The following BICD1 variants were observed in gnomAD, a reference collection of about 807,000 sequenced individuals.
BICD1 encodes BICD cargo adaptor 1, also known as protein bicaudal D homolog 1.
BICD1 carries 35 observed loss-of-function variants against 92.5 expected under a neutral mutation model. The ratio of observed to expected loss-of-function variants is 0.38; its 90% CI spans 0.29 to 0.50. The LOEUF is 0.50. BICD1 is among the 20% of genes least tolerant of loss of function. The pLI is 0.93. For missense variants in BICD1, 950 were observed against 1,189.8 expected (o/e 0.80, Z 2.97); for synonymous variants, 429 against 465.1 (o/e 0.92, Z 1.00).
intron 1 of BICD1, among the ~76,000 whole-genome samples, chr12:32,116,727 A>C (rs1243950362): frequency 6.6e-6 from 1 of 150,494 alleles, no homozygotes; most frequent in Non-Finnish European, 1.5e-5. Flanking sequence ...CTGGAGGCTC[A>C]GGTGGCCCAA....
At chr12:32,339,778 T>C (rs1359111130) in intron 8 of BICD1, 3 of 985,302 alleles carry the variant, frequency 3.0e-6, no homozygotes, top group Non-Finnish European at 3.6e-6. Context: ...CAGCTGTTAT[T>C]TGACTATTGC....
rs11051909 is a variant in BICD1, at chr12:32,287,833, G to A, written c.427-6161G>A. On this transcript the variant is annotated intron_variant, in intron 2 of 9. Coordinates refer to ENST00000652176, the MANE Select transcript of BICD1 (RefSeq NM_001714.4). The stretch of plus-strand genomic sequence containing the variant: ...ATTGCAGGCATGAGCCACTGTGCCC[G>A]GCCTCGGCTGGGTGGTTCTTAAGGA... Among the ~76,000 whole-genome samples, 72 of 152,234 alleles carry A rather than the reference G, an allele frequency of 4.7e-4. 1 individual carries two copies. Among genetic ancestry groups the A allele is most frequent in the African/African-American group, 1.4e-3 (60 of 41,550 alleles).
chr12:32,229,560 T>C (rs1046978564), intron 2 of BICD1, among the ~76,000 whole-genome samples: 2 of 152,190 alleles, frequency 1.3e-5, no homozygotes, highest in South Asian at 2.1e-4. Flanking sequence ...AGGACATATA[T>C]TGACCATTGG....
At chr12:32,128,593 A>T (rs1255002627) in intron 1 of BICD1, among the ~76,000 whole-genome samples, 1 of 122,764 alleles carries the variant, frequency 8.1e-6, no homozygotes, top group Non-Finnish European at 1.8e-5. Flanking sequence ...TATGAAAAAT[A>T]TAATTGTTCC....
intron 2 of BICD1, among the ~76,000 whole-genome samples, chr12:32,252,556 G>T (rs1394639561): frequency 6.6e-6 from 1 of 152,092 alleles, no homozygotes; most frequent in African/African-American, 2.4e-5. Context: ...ATTTAGTTCA[G>T]TCAATTATCA....
intron 1 of BICD1, among the ~76,000 whole-genome samples, chr12:32,157,581 A>G (rs1943477853): frequency 6.6e-6 from 1 of 152,148 alleles, no homozygotes; most frequent in Non-Finnish European, 1.5e-5. Context: ...TTCTTCTGGA[A>G]GCTACCAAGA....
intron 1 of BICD1, among the ~76,000 whole-genome samples, chr12:32,213,966 T>C (rs745333339): frequency 3.9e-5 from 6 of 152,274 alleles, no homozygotes; most frequent in Non-Finnish European, 8.8e-5. Context: ...AATGCTGATA[T>C]ATTTTATTTC....
At chr12:32,124,550 G>A (rs1942261844) in intron 1 of BICD1, among the ~76,000 whole-genome samples, 1 of 152,174 alleles carries the variant, frequency 6.6e-6, no homozygotes, top group Non-Finnish European at 1.5e-5. Context: ...TGATGGATGT[G>A]ATGGTGACAA....
At chr12:32,280,121 T>C (rs1369333234) in intron 2 of BICD1, among the ~76,000 whole-genome samples, 1 of 115,600 alleles carries the variant, frequency 8.7e-6, no homozygotes, top group Non-Finnish European at 2.0e-5. Flanking sequence ...TAAATAAAAA[T>C]AAAGTGAAAA....
intron 1 of BICD1, among the ~76,000 whole-genome samples, chr12:32,177,085 C>T (rs766128161): frequency 4.6e-5 from 7 of 151,732 alleles, no homozygotes; most frequent in East Asian, 1.9e-4. Context: ...GAGGCTGAGG[C>T]GGGCGCATGC....
chr12:32,265,657 G>C (rs1946974332), intron 2 of BICD1, among the ~76,000 whole-genome samples: 2 of 150,582 alleles, frequency 1.3e-5, no homozygotes, highest in South Asian at 2.1e-4. Context: ...AGAGTTCGCG[G>C]TTACAGTGAG....
intron 1 of BICD1, among the ~76,000 whole-genome samples, chr12:32,176,621 G>A (rs1163970217): frequency 1.3e-5 from 2 of 152,160 alleles, no homozygotes; most frequent in Non-Finnish European, 2.9e-5. Flanking sequence ...TATCATTGTA[G>A]ATTAGTGTTT....
intron 2 of BICD1, among the ~76,000 whole-genome samples, chr12:32,252,795 G>A (rs1002353954): frequency 6.6e-6 from 1 of 152,158 alleles, no homozygotes; most frequent in Non-Finnish European, 1.5e-5. Flanking sequence ...GTCATGATAT[G>A]TCTCCTATAG....
intron 2 of BICD1, among the ~76,000 whole-genome samples, chr12:32,226,414 G>A (rs577136182): frequency 1.3e-4 from 20 of 152,314 alleles, no homozygotes; most frequent in South Asian, 8.3e-4. Flanking sequence ...GATTACAGGC[G>A]TTAGCCATCA....
chr12:32,267,502 G>A (rs1404794715), intron 2 of BICD1, among the ~76,000 whole-genome samples: 2 of 152,136 alleles, frequency 1.3e-5, no homozygotes, highest in African/African-American at 4.8e-5. Flanking sequence ...GTATATGTGT[G>A]AGAAATATCT....
At chr12:32,139,548 G>A (rs1456333885) in intron 1 of BICD1, among the ~76,000 whole-genome samples, 2 of 152,148 alleles carry the variant, frequency 1.3e-5, no homozygotes, top group Non-Finnish European at 2.9e-5. Context: ...GCATACGGTG[G>A]GCACAAAGGG....
intron 1 of BICD1, among the ~76,000 whole-genome samples, chr12:32,185,121 A>G (rs1469484227): frequency 6.6e-6 from 1 of 152,188 alleles, no homozygotes; most frequent in Non-Finnish European, 1.5e-5. Context: ...TCTTCAAGCC[A>G]CTGGTAGAGC....
At chr12:32,240,009 A>C (rs2136079878) in intron 2 of BICD1, among the ~76,000 whole-genome samples, 1 of 152,320 alleles carries the variant, frequency 6.6e-6, no homozygotes, top group Middle Eastern at 3.4e-3. Flanking sequence ...ATGCACTAGA[A>C]AATAAAAATT....
At chr12:32,334,804 G>A (rs530306100) in intron 6 of BICD1, 137 bp downstream of exon 6, 4 of 953,838 alleles carry the variant, frequency 4.2e-6, no homozygotes, top group African/African-American at 1.7e-5. Flanking sequence ...ATCTGTGGAA[G>A]TCCACTCTGA....
Sources: gnomAD v4.1 joint callset for allele counts (sites outside exome capture counted in the v4.1 genomes callset) on GRCh38, gnomAD v4.1.1 for gene constraint, MANE v1.5 for transcripts, NCBI Gene and HGNC (gene_info 2026-07-23, HGNC 2026-07-21) for gene names.